Variants in CSMD1 observed in about 807,000 individuals in gnomAD.
CSMD1 encodes the protein CUB and Sushi multiple domains 1.
Under a neutral mutation model 417.5 loss-of-function variants are expected in CSMD1, and 213 were observed. The ratio of observed to expected loss-of-function variants is 0.51; its 90% confidence interval spans 0.46 to 0.57. The LOEUF is 0.57. Among genes scored for constraint, CSMD1 ranks in the 20% least tolerant of loss-of-function variants. CSMD1 has a pLI of 0.00. For synonymous variants in CSMD1, 2,862 were observed against 1,736.8 expected, an observed-to-expected ratio of 1.65 and a Z score of -16.11; for missense variants, 6,923 against 4,529.7, an observed-to-expected ratio of 1.53 and a Z score of -15.17.
chr8:4,572,579 G>A (rs2616970), intron 2 of CSMD1, among the ~76,000 whole-genome samples: 61,308 of 151,724 alleles, frequency 0.4, 13,046 homozygotes, highest in East Asian at 0.54. Flanking sequence ...CTTGGTGAAT[G>A]CGATGATTAT....
At chr8:4,863,224 G>A (rs1342422739) in intron 1 of CSMD1, among the ~76,000 whole-genome samples, 4 of 152,002 alleles carry the variant, frequency 2.6e-5, no homozygotes, top group Non-Finnish European at 5.9e-5. Context: ...CCAAAATGAG[G>A]AAAAATAATC....
chr8:4,369,286 G>T (rs754572787), intron 3 of CSMD1, among the ~76,000 whole-genome samples: 1 of 152,022 alleles, frequency 6.6e-6, no homozygotes, highest in Admixed American at 6.5e-5. Context: ...CTTCATTTTT[G>T]TTTGTGCTGT....
chr8:4,938,508 C>T (rs1310216270), intron 1 of CSMD1, among the ~76,000 whole-genome samples: 1 of 152,166 alleles, frequency 6.6e-6, no homozygotes, highest in Non-Finnish European at 1.5e-5. Context: ...ATGGTATAGA[C>T]ACCTGGTGAC....
At chr8:3,182,880 G>GTGTC (rs1563119752) in intron 36 of CSMD1, 4 of 141,758 alleles carry the variant, frequency 2.8e-5, no homozygotes, top group Non-Finnish European at 6.0e-5. Context: ...GTGTGTGTGT[G>GTGTC]TGTGTGTGTG....
rs541477070 is a variant in CSMD1, at chr8:4,402,289, T to C, written c.415+17664A>G. Among the ~76,000 whole-genome samples the C allele has an allele frequency of 9.2e-5, 14 of 151,866 alleles. No homozygotes were observed. In the East Asian group the frequency reaches 2.7e-3, roughly 30 times the overall value. ...ATCCAATTATCATTCCCCACGGTCT[T>C]TGCCCCTTCTCTCCTCTTTCCCTCC... On this transcript the variant is annotated intron_variant, in intron 3 of 69. Transcript: ENST00000635120.
chr8:4,224,932 G>C (rs1208870270), intron 3 of CSMD1, among the ~76,000 whole-genome samples: 1 of 151,992 alleles, frequency 6.6e-6, no homozygotes, highest in Non-Finnish European at 1.5e-5. Flanking sequence ...CCAATATTGT[G>C]AAACCCCATC....
chr8:3,304,697 CACGTTTTTATTCAA>C (rs1804682676), intron 25 of CSMD1, among the ~76,000 whole-genome samples: 1 of 148,310 alleles, frequency 6.7e-6, no homozygotes, highest in South Asian at 2.2e-4. Flanking sequence ...ATAAAAACTG[CACGTTTTTATTCAA>C]ATATTTTTTT....
chr8:3,820,818 A>T (rs531753483), intron 5 of CSMD1, among the ~76,000 whole-genome samples: 74 of 152,234 alleles, frequency 4.9e-4, no homozygotes, highest in African/African-American at 1.5e-3. Context: ...TCCTGACCTC[A>T]GGTGATCTGC....
In CSMD1 at chr8:4,918,251, G is replaced by C. The variant is rs562926636; in HGVS notation, c.85+76081C>G. Among the ~76,000 whole-genome samples the C allele has an allele frequency of 5.3e-5, 8 of 152,332 alleles. No individual in the cohort carries two copies. In the South Asian group the frequency reaches 1.4e-3, roughly 28 times the overall value. The stretch of plus-strand genomic sequence containing the variant: ...GGACATCACTCAAGGCCCCCTCCAT[G>C]TGCGAAGCATGTGAGCTTTCTGGGA... On this transcript the variant is annotated intron_variant, in intron 1 of 69. Coordinates refer to ENST00000635120, the MANE Select transcript of CSMD1 (RefSeq NM_033225.6).
chr8:4,799,460 G>A (rs1258898878), intron 1 of CSMD1, among the ~76,000 whole-genome samples: 5 of 151,758 alleles, frequency 3.3e-5, no homozygotes, highest in Non-Finnish European at 7.4e-5. Context: ...AGCCAGGCGC[G>A]TAATGGTGTG....
rs548169792 is a variant in CSMD1, at chr8:4,877,141, T to C, written c.85+117191A>G. Among the ~76,000 whole-genome samples, 119 of 152,172 alleles carry C rather than the reference T, an allele frequency of 7.8e-4. 2 individuals are homozygous for C. Among genetic ancestry groups the C allele is most frequent in the African/African-American group, 2.6e-3 (106 of 41,496 alleles). On this transcript the variant is annotated intron_variant, in intron 1 of 69. Coordinates refer to ENST00000635120, the MANE Select transcript of CSMD1 (RefSeq NM_033225.6). ...AGTTTTTCTTTTTATCATGCTCTTT[T>C]TCATGACACATTTTACACTTGAAGA...
In CSMD1 at chr8:3,874,309, T is replaced by C. The variant is rs1805674032; in HGVS notation, c.819-120267A>G. Among the ~76,000 whole-genome samples, 3 of 152,218 alleles carry C rather than the reference T, an allele frequency of 2.0e-5. No homozygotes were observed. In the South Asian group the frequency reaches 6.2e-4, roughly 31 times the overall value. On this transcript the variant is annotated intron_variant, in intron 5 of 69. Transcript: ENST00000635120. ...CCCTGGACCACCTGTACTTTGGAAA[T>C]ACAGGCTGCGTAACTCTTATCTAAA... is the stretch of plus-strand genomic sequence containing the variant.
chr8:4,888,597 C>T (rs572005181), intron 1 of CSMD1, among the ~76,000 whole-genome samples: 9 of 151,918 alleles, frequency 5.9e-5, no homozygotes, highest in Admixed American at 3.9e-4. Flanking sequence ...AGAAGGACTA[C>T]GGCAGTGACA....
At chr8:3,480,581 A>C (rs1424093569) in intron 11 of CSMD1, among the ~76,000 whole-genome samples, 1 of 152,192 alleles carries the variant, frequency 6.6e-6, no homozygotes, top group African/African-American at 2.4e-5. Context: ...ATAGACCCAA[A>C]AAAATCTAAG....
intron 3 of CSMD1, among the ~76,000 whole-genome samples, chr8:4,331,984 G>C (rs898122389): frequency 1.3e-5 from 2 of 152,104 alleles, no homozygotes; most frequent in Non-Finnish European, 2.9e-5. Flanking sequence ...AAGCACATCT[G>C]AAATGAAAAT....
At chr8:4,794,342 G>C (rs1227988586) in intron 1 of CSMD1, among the ~76,000 whole-genome samples, 2 of 152,150 alleles carry the variant, frequency 1.3e-5, no homozygotes, top group Admixed American at 6.5e-5. Flanking sequence ...AGAAATGAGT[G>C]ACTATTTCTC....
chr8:3,593,153 G>A (rs1226178204), intron 8 of CSMD1, among the ~76,000 whole-genome samples: 2 of 152,224 alleles, frequency 1.3e-5, no homozygotes, highest in Admixed American at 6.5e-5. Flanking sequence ...AAGTGTGATG[G>A]TGGCGTGGAG....
At chr8:4,244,313 A>G (rs1276649435) in intron 3 of CSMD1, among the ~76,000 whole-genome samples, 1 of 152,154 alleles carries the variant, frequency 6.6e-6, no homozygotes, top group Non-Finnish European at 1.5e-5. Context: ...TCTTGTCTCC[A>G]TGCCTGAAAC....
At chr8:3,406,795 C>G (rs1420683127) in intron 14 of CSMD1, among the ~76,000 whole-genome samples, 1 of 152,178 alleles carries the variant, frequency 6.6e-6, no homozygotes, top group East Asian at 1.9e-4. Context: ...TTTATTCCAT[C>G]TACAGTGCAT....
Sources: gnomAD v4.1 joint callset for allele counts (sites outside exome capture counted in the v4.1 genomes callset) on GRCh38, gnomAD v4.1.1 for gene constraint, MANE v1.5 for transcripts, NCBI Gene and HGNC (gene_info 2026-07-23, HGNC 2026-07-21) for gene names.